The following STARD13 variants were observed in gnomAD, a reference collection of about 807,000 sequenced individuals.
STARD13 encodes stAR-related lipid transfer protein 13.
In STARD13, 62 loss-of-function variants were observed where a neutral mutation model predicts 106.4. The ratio of observed to expected loss-of-function variants is 0.58; its 90% CI spans 0.48 to 0.72. STARD13 has a LOEUF of 0.72. Among genes scored for constraint, STARD13 ranks in the 30% least tolerant of loss-of-function variants. STARD13 has a pLI of 0.00. For missense variants in STARD13, 1,387 were observed against 1,424.0 expected (o/e 0.97, Z 0.42); for synonymous variants, 565 against 553.0 (o/e 1.02, Z -0.31).
the STARD13 span, among the ~76,000 whole-genome samples, chr13:33,519,220 C>T: frequency 7.4e-6 from 1 of 135,010 alleles, no homozygotes; most frequent in Non-Finnish European, 1.6e-5. Flanking sequence ...TTCTTTCTTT[C>T]TTTCTTTCTT....
chr13:33,207,944 G>C (rs1594107515), intron 1 of STARD13, among the ~76,000 whole-genome samples: 1 of 152,146 alleles, frequency 6.6e-6, no homozygotes, highest in East Asian at 1.9e-4. Context: ...ATGAGCTTCT[G>C]TGCTCTTGAC....
At chr13:33,301,570 T>A (rs1019315531) in intron 1 of STARD13, among the ~76,000 whole-genome samples, 1 of 141,578 alleles carries the variant, frequency 7.1e-6, no homozygotes, top group African/African-American at 2.7e-5. Context: ...TTTTTTTTCT[T>A]TTTTTTTTTT....
chr13:33,244,015 C>CTTTTTTTTTTTTTTT (rs5802676), intron 1 of STARD13, among the ~76,000 whole-genome samples: 1 of 141,064 alleles, frequency 7.1e-6, no homozygotes, highest in Non-Finnish European at 1.5e-5. Flanking sequence ...GATTCCGGCT[C>CTTTTTTTTTTTTTTT]TTTTTTTTTT....
chr13:33,625,230 G>C, the STARD13 span, among the ~76,000 whole-genome samples: 1 of 152,196 alleles, frequency 6.6e-6, no homozygotes, highest in Non-Finnish European at 1.5e-5. Context: ...GGCAGAGGTA[G>C]AAGCCCAGCC....
At chr13:33,164,630 T>C (rs1231906225) in intron 3 of STARD13, among the ~76,000 whole-genome samples, 1 of 152,220 alleles carries the variant, frequency 6.6e-6, no homozygotes, top group Admixed American at 6.5e-5. Flanking sequence ...TTCAGGAATA[T>C]AGCTTTTCCT....
the STARD13 span, among the ~76,000 whole-genome samples, chr13:33,528,257 C>CATATATATATATATATGTATATAT: frequency 2.4e-4 from 22 of 92,898 alleles, no homozygotes; most frequent in African/African-American, 1.4e-3. Flanking sequence ...TATATATATA[C>CATATATATATATATATGTATATAT]ATATATATAT....
the STARD13 span, among the ~76,000 whole-genome samples, chr13:33,403,999 C>T: frequency 6.6e-6 from 1 of 152,204 alleles, no homozygotes; most frequent in African/African-American, 2.4e-5. Flanking sequence ...TTACATGTTT[C>T]TCTTCAGACC....
chr13:33,653,203 G>A, the STARD13 span, among the ~76,000 whole-genome samples: 1 of 152,136 alleles, frequency 6.6e-6, no homozygotes, highest in African/African-American at 2.4e-5. Flanking sequence ...AAATTCAAGT[G>A]ATACAGAATA....
intron 1 of STARD13, among the ~76,000 whole-genome samples, chr13:33,330,821 A>C (rs1447365237): frequency 2.6e-5 from 4 of 152,190 alleles, no homozygotes; most frequent in Non-Finnish European, 5.9e-5. Flanking sequence ...CCGGAAACCC[A>C]GAATTTCCAG....
chr13:33,415,370 A>T, the STARD13 span, among the ~76,000 whole-genome samples: 153 of 152,278 alleles, frequency 1.0e-3, no homozygotes, highest in African/African-American at 3.2e-3. Context: ...TCCGTCTCAA[A>T]AAATAAATAA....
the STARD13 span, among the ~76,000 whole-genome samples, chr13:33,359,740 G>A: frequency 6.6e-6 from 1 of 151,894 alleles, no homozygotes; most frequent in African/African-American, 2.4e-5. Flanking sequence ...ATAGTATAAT[G>A]GCCAAAGTTG....
the STARD13 span, among the ~76,000 whole-genome samples, chr13:33,580,266 A>G: frequency 8.5e-5 from 13 of 152,220 alleles, no homozygotes; most frequent in South Asian, 6.2e-4. Flanking sequence ...CCTTAAATAC[A>G]TACTGCCGAG....
chr13:33,423,718 G>A, the STARD13 span, among the ~76,000 whole-genome samples: 1 of 152,170 alleles, frequency 6.6e-6, no homozygotes, highest in Non-Finnish European at 1.5e-5. Context: ...GGATAGACCG[G>A]ATTAAGAAAA....
the STARD13 span, among the ~76,000 whole-genome samples, chr13:33,411,254 T>C: frequency 5.9e-5 from 9 of 152,186 alleles, no homozygotes; most frequent in African/African-American, 2.2e-4. Flanking sequence ...CCATTCTCCA[T>C]AATAAAAGGC....
At chr13:33,275,643 T>A (rs1224436439) in intron 1 of STARD13, 5 of 152,230 alleles carry the variant, frequency 3.3e-5, no homozygotes, top group Admixed American at 3.3e-4. Flanking sequence ...AGTTTGGAGT[T>A]TGGGTTGATG....
the STARD13 span, among the ~76,000 whole-genome samples, chr13:33,370,459 C>T: frequency 2.0e-5 from 3 of 152,048 alleles, no homozygotes; most frequent in African/African-American, 7.2e-5. Context: ...ACTGCTAATA[C>T]CATTTAAAAA....
rs150079996 is a variant in STARD13, at chr13:33,133,365, A to G, written c.388-3076T>C. ...GTGAAAAAGTGGCAAACTCCTGGGA[A>G]AAAAGGAAAACAGCTCAGGGAAATT... On this transcript the variant is annotated intron_variant, in intron 4 of 13. Coordinates refer to ENST00000336934, the MANE Select transcript of STARD13 (RefSeq NM_178006.4). Among the ~76,000 whole-genome samples, 6 of 152,336 alleles carry G rather than the reference A, an allele frequency of 3.9e-5. No individual in the cohort carries two copies. The South Asian group carries it at 6.2e-4, about 16-fold the overall frequency.
chr13:33,435,405 A>G, the STARD13 span, among the ~76,000 whole-genome samples: 1 of 152,176 alleles, frequency 6.6e-6, no homozygotes, highest in Non-Finnish European at 1.5e-5. Context: ...ATTGTATTTT[A>G]ACTAGATTTA....
chr13:33,519,980 A>G, the STARD13 span: 1 of 152,084 alleles, frequency 6.6e-6, no homozygotes, highest in Non-Finnish European at 1.5e-5. Flanking sequence ...GTAAATGTGT[A>G]TTTTCTCTAA....
Sources: allele counts gnomAD v4.1 joint callset (sites outside exome capture counted in the v4.1 genomes callset), GRCh38; gene constraint gnomAD v4.1.1; transcripts MANE v1.5; gene names NCBI Gene and HGNC (gene_info 2026-07-23, HGNC 2026-07-21).